Variants in TXNRD2 observed in about 807,000 individuals in gnomAD.
The protein encoded by TXNRD2 is thioredoxin reductase 2, mitochondrial.
Under a neutral mutation model 70.8 loss-of-function variants are expected in TXNRD2, and 67 were observed. The observed-to-expected ratio is 0.95, with a 90% CI of 0.78 to 1.16. TXNRD2 has a LOEUF of 1.16. TXNRD2 is among the 50% of genes most tolerant of loss of function. TXNRD2 has a pLI of 0.00. For synonymous variants in TXNRD2, 301 were observed against 295.8 expected (o/e 1.02, Z -0.18); for missense variants, 644 against 719.9 (o/e 0.89, Z 1.21).
At chr22:19,900,749 C>CAA (rs35153715) in intron 8 of TXNRD2, among the ~76,000 whole-genome samples, 1 of 141,524 alleles carries the variant, frequency 7.1e-6, no homozygotes, top group Non-Finnish European at 1.6e-5. Flanking sequence ...GACTCCATCA[C>CAA]AAAAAAAAAA....
intron 1 of TXNRD2, among the ~76,000 whole-genome samples, chr22:19,935,046 A>C (rs1043417330): frequency 3.3e-5 from 5 of 152,212 alleles, no homozygotes; most frequent in Non-Finnish European, 7.3e-5. Flanking sequence ...ACAGAATAAC[A>C]GTGATTTTTA....
intron 8 of TXNRD2, among the ~76,000 whole-genome samples, chr22:19,901,674 A>G (rs1939784826): frequency 6.6e-6 from 1 of 152,196 alleles, no homozygotes; most frequent in Admixed American, 6.5e-5. Context: ...GACAGACACC[A>G]AAGCCTCCAG....
intron 11 of TXNRD2, 31 bp from the exon 12 acceptor site, chr22:19,883,492 T>C (rs756604924): frequency 3.1e-6 from 5 of 1,613,658 alleles, no homozygotes; most frequent in Middle Eastern, 1.6e-4. Flanking sequence ...GCTGAAAGGT[T>C]ATCTTCAGTG....
intron 7 of TXNRD2, among the ~76,000 whole-genome samples, chr22:19,914,237 C>T (rs1028542846): frequency 6.6e-6 from 1 of 152,252 alleles, no homozygotes. Flanking sequence ...CCCAGCAGTT[C>T]TGCTCCTAAG....
chr22:19,886,822 C>T (rs1939054383), intron 11 of TXNRD2, among the ~76,000 whole-genome samples: 5 of 152,196 alleles, frequency 3.3e-5, no homozygotes, highest in Admixed American at 3.3e-4. Flanking sequence ...GCTGAATGGC[C>T]CCTCCTGGGG....
intron 8 of TXNRD2, among the ~76,000 whole-genome samples, chr22:19,909,567 T>TACACACACCATTTAC (rs1555911477): frequency 2.0e-4 from 19 of 95,068 alleles, no homozygotes; most frequent in Admixed American, 9.1e-4. Flanking sequence ...ACTACTCACA[T>TACACACACCATTTAC]ACACACACCA....
intron 1 of TXNRD2, among the ~76,000 whole-genome samples, chr22:19,931,423 T>A (rs2146091287): frequency 6.6e-6 from 1 of 152,346 alleles, no homozygotes; most frequent in East Asian, 1.9e-4. Context: ...TATTTATTTT[T>A]GAGACAGGAT....
chr22:19,894,931 C>G, intron 11 of TXNRD2: 2 of 1,311,690 alleles, frequency 1.5e-6, no homozygotes, highest in Non-Finnish European at 2.0e-6. Flanking sequence ...GAGGTTGCCA[C>G]TGCACTCCAG....
chr22:19,933,796 C>T (rs980705425), intron 1 of TXNRD2, among the ~76,000 whole-genome samples: 14 of 152,200 alleles, frequency 9.2e-5, no homozygotes, highest in African/African-American at 3.4e-4. Flanking sequence ...TGGGGACACA[C>T]CACCTGTGCA....
At chr22:19,882,963 G>A (rs1029356390) in intron 12 of TXNRD2, among the ~76,000 whole-genome samples, 2 of 152,260 alleles carry the variant, frequency 1.3e-5, no homozygotes, top group Admixed American at 6.5e-5. Flanking sequence ...GGGACAGGAC[G>A]GCCCCAAGGC....
At chr22:19,900,848 C>T (rs1022154339) in intron 8 of TXNRD2, among the ~76,000 whole-genome samples, 24 of 152,354 alleles carry the variant, frequency 1.6e-4, no homozygotes, top group Admixed American at 1.5e-3. Context: ...TGTAACTGGG[C>T]GAGAGCCCAT....
intron 11 of TXNRD2, among the ~76,000 whole-genome samples, chr22:19,885,934 G>A (rs547249768): frequency 6.6e-6 from 1 of 152,356 alleles, no homozygotes; most frequent in South Asian, 2.1e-4. Flanking sequence ...ATGGAAATAG[G>A]TGGCCCATCC....
At chr22:19,881,030 G>A (rs34489078) in intron 12 of TXNRD2, 27,290 of 520,744 alleles carry the variant, frequency 0.052, 848 homozygotes, top group Non-Finnish European at 0.065. Context: ...TCTGCACATT[G>A]CTGACCTCGG....
chr22:19,895,603 G>T (rs1311242043), intron 10 of TXNRD2, 22 bp from the exon 11 acceptor site: 1 of 1,606,826 alleles, frequency 6.2e-7, no homozygotes, highest in East Asian at 2.2e-5. Flanking sequence ...AAGAAGACAG[G>T]CCATGAAGAC....
chr22:19,940,138 G>A (rs1409414808), intron 1 of TXNRD2, among the ~76,000 whole-genome samples: 4 of 151,298 alleles, frequency 2.6e-5, no homozygotes, highest in African/African-American at 7.3e-5. Flanking sequence ...CCAGCTACTC[G>A]GGAGGCTGAG....
intron 1 of TXNRD2, among the ~76,000 whole-genome samples, chr22:19,940,339 T>C (rs1312042853): frequency 6.6e-6 from 1 of 151,488 alleles, no homozygotes; most frequent in African/African-American, 2.4e-5. Flanking sequence ...CAGTTGCTCC[T>C]CTGGCGGAAA....
chr22:19,926,825 A>G (rs1197649341), intron 2 of TXNRD2, among the ~76,000 whole-genome samples: 1 of 152,162 alleles, frequency 6.6e-6, no homozygotes, highest in Non-Finnish European at 1.5e-5. Context: ...AATGTCCAGA[A>G]CAGACACATC....
At chr22:19,939,714 A>G (rs1201983970) in intron 1 of TXNRD2, among the ~76,000 whole-genome samples, 1 of 152,146 alleles carries the variant, frequency 6.6e-6, no homozygotes, top group Non-Finnish European at 1.5e-5. Flanking sequence ...GGTTGTATCC[A>G]TCTAGAAGCT....
At chr22:19,883,224 T>C in intron 12 of TXNRD2, 101 bp downstream of exon 12, 1 of 1,444,040 alleles carries the variant, frequency 6.9e-7, no homozygotes, top group Non-Finnish European at 9.5e-7. Context: ...TCAGAGAAAG[T>C]GTCGTTTCTC....
Sources: allele counts gnomAD v4.1 joint callset (sites outside exome capture counted in the v4.1 genomes callset), GRCh38; gene constraint gnomAD v4.1.1; transcripts MANE v1.5; gene names NCBI Gene and HGNC (gene_info 2026-07-23, HGNC 2026-07-21).